Variants in TENM4 observed in about 807,000 individuals in gnomAD.
The protein encoded by TENM4 is teneurin-4.
TENM4 carries 82 observed loss-of-function variants against 243.3 expected under a neutral mutation model. The observed-to-expected ratio is 0.34, with a 90% CI of 0.28 to 0.40. TENM4 has a LOEUF of 0.40. Among genes scored for constraint, TENM4 ranks in the 10% least tolerant of loss-of-function variants. TENM4 has a pLI of 1.00. For missense variants in TENM4, 3,138 were observed against 3,673.3 expected (o/e 0.85, Z 3.77); for synonymous variants, 1,412 against 1,456.3 (o/e 0.97, Z 0.69).
intron 2 of TENM4, among the ~76,000 whole-genome samples, chr11:79,231,731 C>G (rs1360222370): frequency 6.6e-6 from 1 of 152,180 alleles, no homozygotes; most frequent in Admixed American, 6.5e-5. Flanking sequence ...AGCTCTGAAG[C>G]CTAAGTTAGG....
At chr11:79,287,141 A>G (rs745921657) in intron 2 of TENM4, among the ~76,000 whole-genome samples, 2 of 152,236 alleles carry the variant, frequency 1.3e-5, no homozygotes, top group South Asian at 4.1e-4. Flanking sequence ...GGAAAGTAGT[A>G]TTGCCCTACT....
intron 4 of TENM4, among the ~76,000 whole-genome samples, chr11:79,073,418 G>A (rs958998076): frequency 1.3e-5 from 2 of 151,906 alleles, no homozygotes; most frequent in East Asian, 3.9e-4. Flanking sequence ...CCTTGACTAC[G>A]GTTCCTTGAG....
intron 2 of TENM4, among the ~76,000 whole-genome samples, chr11:79,239,969 A>G (rs1864557040): frequency 6.6e-6 from 1 of 152,208 alleles, no homozygotes; most frequent in South Asian, 2.1e-4. Context: ...GAGCAGACAT[A>G]TGTGACATTA....
chr11:79,344,517 A>G (rs1367568051), intron 1 of TENM4, among the ~76,000 whole-genome samples: 1 of 152,212 alleles, frequency 6.6e-6, no homozygotes, highest in African/African-American at 2.4e-5. Context: ...AAGAGAGTAC[A>G]TGACACCCCC....
At position 79,159,959 on chromosome 11, in the gene TENM4, T is replaced by C. The variant is rs139482697; in HGVS notation, c.-162-11153A>G. Among the ~76,000 whole-genome samples, 780 of 152,346 alleles carry C rather than the reference T, an allele frequency of 5.1e-3. 15 individuals are homozygous for C. The highest frequency in any genetic ancestry group is 0.036 in the Admixed American group (554 of 15,292). On this transcript the variant is annotated intron_variant, in intron 3 of 33. Coordinates refer to ENST00000278550, the MANE Select transcript of TENM4 (RefSeq NM_001098816.3). ...GTTAGCTTCTTCATTTATTTTCTTG[T>C]TGATTTATTTATTCACGAATTCATT...
In TENM4 at chr11:79,346,490, T is replaced by C. The variant is rs565540935; in HGVS notation, c.-320-48947A>G. Among the ~76,000 whole-genome samples, 127 of 152,258 alleles carry C rather than the reference T, an allele frequency of 8.3e-4. 3 individuals are homozygous for C. In the South Asian group the frequency reaches 0.025, roughly 30 times the overall value. On this transcript the variant is annotated intron_variant, in intron 1 of 33. Transcript: ENST00000278550. ...TAAACATGTGTTTATTGAACACTCA[T>C]TGAAACTGCTGCTTCAACCCCCACC...
chr11:78,903,645 G>A, intron 6 of TENM4, 122 bp from the exon 7 acceptor site: 1 of 1,406,736 alleles, frequency 7.1e-7, no homozygotes, highest in Non-Finnish European at 9.7e-7. Flanking sequence ...ACATATTGAT[G>A]CAGTCAATCA....
At chr11:78,892,617 T>C (rs1855695504) in intron 7 of TENM4, among the ~76,000 whole-genome samples, 1 of 152,208 alleles carries the variant, frequency 6.6e-6, no homozygotes, top group South Asian at 2.1e-4. Flanking sequence ...TTAAGGGCTA[T>C]ACAAATATTA....
intron 3 of TENM4, among the ~76,000 whole-genome samples, chr11:79,215,456 C>T (rs532882756): frequency 7.9e-4 from 120 of 152,162 alleles, no homozygotes; most frequent in African/African-American, 2.8e-3. Context: ...CCAAGAATGA[C>T]CTTGATTGGC....
chr11:79,048,158 T>C (rs1859703842), intron 6 of TENM4, among the ~76,000 whole-genome samples: 1 of 152,326 alleles, frequency 6.6e-6, no homozygotes, highest in South Asian at 2.1e-4. Flanking sequence ...GGCATTCACC[T>C]GTTGAATATC....
intron 1 of TENM4, among the ~76,000 whole-genome samples, chr11:79,378,875 C>T (rs1857944488): frequency 6.8e-6 from 1 of 146,288 alleles, no homozygotes; most frequent in Non-Finnish European, 1.5e-5. Context: ...AGAATGAGGC[C>T]CTGTCTGTTA....
Position 78,982,205 on chromosome 11 carries a change from G to T in TENM4, c.494-78682C>A, listed in dbSNP as rs540255493. On this transcript the variant is annotated intron_variant, in intron 6 of 33. Coordinates refer to ENST00000278550, the MANE Select transcript of TENM4 (RefSeq NM_001098816.3). ...TAATAATCCTTGCATCTTCTGGTTGGCAAGTACCATGTGCCAGGCACTGGG... is the reference window on the plus strand; with the variant it reads ...TAATAATCCTTGCATCTTCTGGTTGTCAAGTACCATGTGCCAGGCACTGGG... Among the ~76,000 whole-genome samples, 3 of 152,188 alleles carry T rather than the reference G, an allele frequency of 2.0e-5. No individual in the cohort carries two copies. In the South Asian group the frequency reaches 6.2e-4, roughly 32 times the overall value.
chr11:79,087,106 A>C (rs763770778), intron 4 of TENM4, among the ~76,000 whole-genome samples: 1 of 152,190 alleles, frequency 6.6e-6, no homozygotes, highest in African/African-American at 2.4e-5. Context: ...TTAATAAATA[A>C]TGGCTAATTG....
chr11:79,283,317 T>A (rs1191898420), intron 2 of TENM4, among the ~76,000 whole-genome samples: 1 of 150,088 alleles, frequency 6.7e-6, no homozygotes, highest in Non-Finnish European at 1.5e-5. Flanking sequence ...AAATCTTCAA[T>A]AAGATAACAT....
chr11:79,123,387 G>C (rs1591299112), intron 4 of TENM4, among the ~76,000 whole-genome samples: 4 of 152,302 alleles, frequency 2.6e-5, no homozygotes, highest in Admixed American at 2.6e-4. Context: ...TTCAACCCAG[G>C]TAGTCTGGCC....
intron 4 of TENM4, among the ~76,000 whole-genome samples, chr11:79,088,250 C>A (rs1181938587): frequency 6.6e-6 from 1 of 152,164 alleles, no homozygotes; most frequent in Non-Finnish European, 1.5e-5. Flanking sequence ...TAGGGCCCAG[C>A]CTGGCCTCTG....
At chr11:79,111,565 C>T (rs1335509647) in intron 4 of TENM4, among the ~76,000 whole-genome samples, 9 of 152,110 alleles carry the variant, frequency 5.9e-5, no homozygotes, top group Non-Finnish European at 7.4e-5. Flanking sequence ...ACAACAACAA[C>T]GACAAAAAAA....
At chr11:78,715,290 C>T (rs1859496326) in intron 25 of TENM4, among the ~76,000 whole-genome samples, 1 of 152,166 alleles carries the variant, frequency 6.6e-6, no homozygotes, top group South Asian at 2.1e-4. Context: ...CAGCCTTGAT[C>T]TTTCTGCTTT....
At chr11:78,876,146 G>A (rs1468818975) in intron 9 of TENM4, among the ~76,000 whole-genome samples, 1 of 152,194 alleles carries the variant, frequency 6.6e-6, no homozygotes, top group Non-Finnish European at 1.5e-5. Context: ...TCCACATCTG[G>A]GGCTTGCAGG....
Sources: gnomAD v4.1 joint callset for allele counts (sites outside exome capture counted in the v4.1 genomes callset) on GRCh38, gnomAD v4.1.1 for gene constraint, MANE v1.5 for transcripts, NCBI Gene and HGNC (gene_info 2026-07-23, HGNC 2026-07-21) for gene names.